Variants in TAMM41 observed in about 807,000 individuals in gnomAD.
TAMM41 encodes TAM41 mitochondrial translocator assembly and maintenance homolog.
In TAMM41, 36 loss-of-function variants were observed where a neutral mutation model predicts 44.1. The observed-to-expected ratio is 0.82, with a 90% CI of 0.63 to 1.08. TAMM41 has a LOEUF of 1.08. Ranked by LOEUF, TAMM41 falls within the 50% of genes least tolerant of loss-of-function variation. The pLI is 0.00. For missense variants in TAMM41, 417 were observed against 404.3 expected, an observed-to-expected ratio of 1.03 and a Z score of -0.27; for synonymous variants, 164 against 153.1, an observed-to-expected ratio of 1.07 and a Z score of -0.53.
chr3:11,822,363 TTC>T (rs1008991037), intron 4 of TAMM41, among the ~76,000 whole-genome samples: 1 of 152,230 alleles, frequency 6.6e-6, no homozygotes, highest in African/African-American at 2.4e-5. Context: ...GTATTTTTAA[TTC>T]TGTTTACAGA....
chr3:11,790,434 A>G (rs1270009204), downstream of TAMM41: 20 of 1,403,080 alleles, frequency 1.4e-5, no homozygotes, highest in Middle Eastern at 1.9e-4. Flanking sequence ...TCAAAGTAAC[A>G]AACACTGTTC....
chr3:11,746,521 A>G, the TAMM41 span, among the ~76,000 whole-genome samples: 1 of 152,140 alleles, frequency 6.6e-6, no homozygotes, highest in Non-Finnish European at 1.5e-5. Flanking sequence ...CCTGCAATGA[A>G]ATACTACTGA....
chr3:11,796,528 C>T (rs567714048), intron 7 of TAMM41, among the ~76,000 whole-genome samples: 1 of 152,234 alleles, frequency 6.6e-6, no homozygotes, highest in African/African-American at 2.4e-5. Context: ...ACCAAATCTT[C>T]CTTTTTATCC....
At chr3:11,760,860 C>T in the TAMM41 span, among the ~76,000 whole-genome samples, 1 of 151,308 alleles carries the variant, frequency 6.6e-6, no homozygotes, top group African/African-American at 2.4e-5. Context: ...CACGCTCGAC[C>T]AAGTCATCTT....
chr3:11,829,689 A>G lies in TAMM41; in HGVS notation c.562+25T>C, dbSNP rs1559311250. ...CAAATATAAATCTCTCCCTTGTAGA[A>G]CATCTGGGCAGCAACCATACTAACC... On this transcript the variant is annotated intron_variant, in intron 4 of 7. Transcript: ENST00000455809. 5 of 1,612,752 alleles carry G rather than the reference A, an allele frequency of 3.1e-6. No homozygotes were observed. The South Asian group carries it at 5.5e-5, about 18-fold the overall frequency.
intron 7 of TAMM41, among the ~76,000 whole-genome samples, chr3:11,792,496 T>C: frequency 6.6e-6 from 1 of 152,198 alleles, no homozygotes; most frequent in Non-Finnish European, 1.5e-5. Flanking sequence ...ACTGTGTGTG[T>C]GCGTAGGTGC....
the TAMM41 span, among the ~76,000 whole-genome samples, chr3:11,765,302 C>A: frequency 1.3e-5 from 2 of 152,172 alleles, no homozygotes; most frequent in African/African-American, 4.8e-5. Flanking sequence ...ATTTCATCAT[C>A]ACAATCGCCA....
intron 4 of TAMM41, among the ~76,000 whole-genome samples, chr3:11,820,893 C>G (rs1425626013): frequency 6.6e-6 from 1 of 152,146 alleles, no homozygotes; most frequent in Non-Finnish European, 1.5e-5. Flanking sequence ...GGTGGCCTTC[C>G]CTGTGATTCA....
intron 7 of TAMM41, among the ~76,000 whole-genome samples, chr3:11,803,432 G>A (rs1006566081): frequency 2.0e-5 from 3 of 152,154 alleles, no homozygotes; most frequent in Non-Finnish European, 4.4e-5. Flanking sequence ...TGGTGCAGAT[G>A]TGGAGAAAAG....
At chr3:11,764,828 T>C in the TAMM41 span, among the ~76,000 whole-genome samples, 63 of 152,164 alleles carry the variant, frequency 4.1e-4, 1 homozygote, top group Non-Finnish European at 1.0e-4. Context: ...GCTAGGTAAA[T>C]GTATAACCAA....
the TAMM41 span, among the ~76,000 whole-genome samples, chr3:11,748,511 C>T: frequency 0.04 from 6,143 of 151,874 alleles, 392 homozygotes; most frequent in African/African-American, 0.14. Context: ...CCCAAGTAGC[C>T]GGGACCACAG....
rs376856065 is a variant in TAMM41, at chr3:11,839,222, C to T, written c.411G>A (p.Pro137=). 91 of 1,608,438 alleles carry T rather than the reference C, an allele frequency of 5.7e-5. No homozygotes were observed. Among genetic ancestry groups the T allele is most frequent in the South Asian group, 2.0e-4 (18 of 90,488 alleles). Residue 137 remains proline (P), a splice_region_variant and synonymous_variant, in exon 3 of 8, where the codon CCG becomes CCA. Coordinates refer to ENST00000455809, the MANE Select transcript of TAMM41 (RefSeq NM_001284401.2). The part of the protein sequence containing the change: ...NLYIAGRLQK[P]VKIISVNEDV... ...ACTGTGCAGCCTATAAAACACTCAC[C>T]GGTTTTTGGAGTCGTCCAGCAATGT... is the stretch of plus-strand genomic sequence containing the variant.
intron 4 of TAMM41, 41 bp from the exon 5 acceptor site, chr3:11,817,378 T>A: frequency 6.3e-7 from 1 of 1,582,846 alleles, no homozygotes; most frequent in Non-Finnish European, 8.6e-7. Context: ...CCATTAAGAA[T>A]CCACACTCTC....
chr3:11,786,531 C>T (rs2077419137), downstream of TAMM41, among the ~76,000 whole-genome samples: 1 of 151,792 alleles, frequency 6.6e-6, no homozygotes, highest in African/African-American at 2.4e-5. Context: ...TTTCGAACTC[C>T]TGACCTCGTG....
At chr3:11,752,369 G>C in the TAMM41 span, among the ~76,000 whole-genome samples, 1 of 152,034 alleles carries the variant, frequency 6.6e-6, no homozygotes, top group Non-Finnish European at 1.5e-5. Context: ...TGCTGCTGGT[G>C]GGGGGTGGCC....
the TAMM41 span, among the ~76,000 whole-genome samples, chr3:11,774,659 G>A: frequency 1.9e-4 from 29 of 149,914 alleles, no homozygotes; most frequent in Non-Finnish European, 3.5e-4. Context: ...GTATTTCTCA[G>A]TCTGCAGGCT....
chr3:11,796,663 C>A (rs1057103154), intron 7 of TAMM41, among the ~76,000 whole-genome samples: 1 of 152,046 alleles, frequency 6.6e-6, no homozygotes, highest in African/African-American at 2.4e-5. Context: ...AAAAACTGAA[C>A]AGAGGCAGAA....
chr3:11,806,928 A>C (rs1416214070), intron 7 of TAMM41, among the ~76,000 whole-genome samples: 1 of 152,264 alleles, frequency 6.6e-6, no homozygotes, highest in African/African-American at 2.4e-5. Context: ...AGATAAATGC[A>C]GCAATGATCT....
chr3:11,769,574 T>G, the TAMM41 span, among the ~76,000 whole-genome samples: 1 of 152,188 alleles, frequency 6.6e-6, no homozygotes, highest in African/African-American at 2.4e-5. Context: ...GTATTTCATT[T>G]AAGAAAGAAC....
Sources: allele counts gnomAD v4.1 joint callset (sites outside exome capture counted in the v4.1 genomes callset), GRCh38; gene constraint gnomAD v4.1.1; transcripts MANE v1.5; gene names NCBI Gene and HGNC (gene_info 2026-07-23, HGNC 2026-07-21).